PCCB: variants seen among roughly 807,000 people sequenced by gnomAD.
PCCB encodes propionyl-CoA carboxylase subunit beta.
Under a neutral mutation model 60.7 loss-of-function variants are expected in PCCB, and 43 were observed. The observed-to-expected ratio is 0.71, with a 90% CI of 0.55 to 0.91. The LOEUF is 0.91. Among genes scored for constraint, PCCB ranks in the 40% least tolerant of loss-of-function variants. The pLI, the probability that PCCB is intolerant of heterozygous loss-of-function variation, is 0.00. For missense variants in PCCB, 766 were observed against 702.8 expected, an observed-to-expected ratio of 1.09 and a Z score of -1.02; for synonymous variants, 276 against 255.9, an observed-to-expected ratio of 1.08 and a Z score of -0.75.
intron 9 of PCCB, among the ~76,000 whole-genome samples, chr3:136,308,275 C>G (rs1254807205): frequency 1.4e-5 from 2 of 147,912 alleles, no homozygotes; most frequent in Admixed American, 1.4e-4. Flanking sequence ...ACTCTGTAAC[C>G]CAGGCTGGAG....
At chr3:136,326,280 G>T in intron 10 of PCCB, 1 of 699,636 alleles carries the variant, frequency 1.4e-6, no homozygotes, top group South Asian at 1.5e-5. Flanking sequence ...CTTCTAGGAG[G>T]GGAGATTTAC....
chr3:136,268,098 A>ATGTATATATATATATATATATATG (rs1283713299), intron 5 of PCCB, among the ~76,000 whole-genome samples: 4 of 115,504 alleles, frequency 3.5e-5, no homozygotes, highest in Non-Finnish European at 5.1e-5. Context: ...ATATATATAT[A>ATGTATATATATATATATATATATG]TATATATATA....
chr3:136,290,597 T>C (rs1214663258), intron 6 of PCCB, among the ~76,000 whole-genome samples: 1 of 149,560 alleles, frequency 6.7e-6, no homozygotes, highest in African/African-American at 2.5e-5. Flanking sequence ...TGGGCTCACA[T>C]GGTCTTCCTG....
chr3:136,288,025 C>T (rs1281857427), intron 6 of PCCB, among the ~76,000 whole-genome samples: 1 of 152,236 alleles, frequency 6.6e-6, no homozygotes, highest in African/African-American at 2.4e-5. Context: ...CCAGCACTTA[C>T]ATTAACATAG....
chr3:136,307,889 C>T (rs533832130), intron 9 of PCCB, among the ~76,000 whole-genome samples: 5 of 152,040 alleles, frequency 3.3e-5, no homozygotes, highest in Middle Eastern at 3.4e-3. Context: ...GCAGGAGAAT[C>T]GCTTGAACCC....
chr3:136,280,943 C>A (rs749075368), intron 5 of PCCB, among the ~76,000 whole-genome samples: 7 of 152,330 alleles, frequency 4.6e-5, no homozygotes, highest in Middle Eastern at 3.4e-3. Context: ...TGTGAGCCAG[C>A]GCACCTGACT....
intron 8 of PCCB, among the ~76,000 whole-genome samples, chr3:136,300,065 A>T (rs1560019682): frequency 6.6e-6 from 1 of 151,322 alleles, no homozygotes; most frequent in African/African-American, 2.4e-5. Flanking sequence ...CATGCATATC[A>T]ACACATATAT....
chr3:136,288,569 T>A (rs1384953435), intron 6 of PCCB, among the ~76,000 whole-genome samples: 3 of 151,888 alleles, frequency 2.0e-5, no homozygotes, highest in African/African-American at 7.3e-5. Context: ...AGACTGGTCT[T>A]GAACTCCTGG....
rs1367533276 is a variant in PCCB at position 136,326,812 on chromosome 3, A to G, written c.1100A>G (p.Asp367Gly). 1.9e-6 allele frequency: 3 copies of G among 1,596,328 alleles called. No homozygotes were observed. The highest frequency in any genetic ancestry group is 2.6e-6 in the Non-Finnish European group (3 of 1,163,748). The change falls in exon 11 of 15, where the codon GAT (aspartate) becomes GGT (glycine). Residue 367 changes from aspartate to glycine, a missense_variant. Physicochemically the swap from Asp to Gly is moderately conservative, Grantham distance 94. Transcript: ENST00000251654. Reference sequence around the variant, plus strand: ...ATCTCTCTCTTTCTAGGATGCTTGGATATTAATTCATCTGTGAAAGGGGCT... The same window carrying G: ...ATCTCTCTCTTTCTAGGATGCTTGGGTATTAATTCATCTGTGAAAGGGGCT... ...NQPKVASGCL[D>G]INSSVKGARF...
chr3:136,260,977 T>C (rs778446187), intron 4 of PCCB, among the ~76,000 whole-genome samples: 10 of 152,208 alleles, frequency 6.6e-5, no homozygotes, highest in Non-Finnish European at 1.2e-4. Context: ...CACAGATATT[T>C]CTAATACTGA....
chr3:136,275,100 C>T (rs1393725292), intron 5 of PCCB, among the ~76,000 whole-genome samples: 1 of 152,192 alleles, frequency 6.6e-6, no homozygotes, highest in Non-Finnish European at 1.5e-5. Flanking sequence ...GCATGAGACA[C>T]TGACCCCAGC....
At chr3:136,301,811 A>G (rs1047971584) in intron 9 of PCCB, among the ~76,000 whole-genome samples, 1 of 152,124 alleles carries the variant, frequency 6.6e-6, no homozygotes, top group African/African-American at 2.4e-5. Flanking sequence ...TCCTGCACCA[A>G]GGATTAGCCT....
rs1553775733 is a variant in PCCB at position 136,268,092 on chromosome 3, A to ATATATATG, written c.543+6034_543+6035insGTATATAT. 2.3e-3 allele frequency among the ~76,000 whole-genome samples: 126 copies of ATATATATG among 54,444 alleles called. 4 individuals are homozygous for ATATATATG. The highest frequency in any genetic ancestry group is 0.015 in the East Asian group (52 of 3,400). The allele number at this position is 54,444 out of a possible 152,430, so 35.7% of individuals were successfully genotyped here. ...TGTGTGTGTGTGTGTGTGTAGATAT[A>ATATATATG]TATATATATATATATATATATATAT... On this transcript the variant is annotated intron_variant, in intron 5 of 14. Transcript: ENST00000251654.
At chr3:136,271,272 C>G (rs1165874133) in intron 5 of PCCB, among the ~76,000 whole-genome samples, 3 of 152,060 alleles carry the variant, frequency 2.0e-5, no homozygotes, top group Non-Finnish European at 2.9e-5. Context: ...TCTTGGAAGT[C>G]TGGTAATGTG....
Position 136,250,531 on chromosome 3 carries a change from A to T in PCCB, c.156A>T (p.Gln52His), listed in dbSNP as rs1941483942. ...KRRTALLGGGQRRIDAQHKRG... is the reference protein window; with the variant it reads ...KRRTALLGGGHRRIDAQHKRG... ...GGACCGCGCTGCTGGGAGGGGGCCA[A>T]CGCCGTATTGACGCGCAGCACAAGC... is the stretch of plus-strand genomic sequence containing the variant. Residue 52 changes from glutamine (Q) to histidine (H), a missense_variant, in exon 1 of 15, where the codon CAA (glutamine) becomes CAT (histidine). Gln to His is a conservative substitution (Grantham distance 24, BLOSUM62 0). Coordinates refer to ENST00000251654, the MANE Select transcript of PCCB (RefSeq NM_000532.5). 1.9e-6 allele frequency: 3 copies of T among 1,612,842 alleles called. No homozygotes were observed. The highest frequency in any genetic ancestry group is 1.7e-6 in the Non-Finnish European group (2 of 1,179,760).
intron 10 of PCCB, among the ~76,000 whole-genome samples, chr3:136,322,790 T>G (rs767099463): frequency 6.6e-6 from 1 of 152,242 alleles, no homozygotes. Context: ...TGGTTGGTAC[T>G]GAGGGCCTCA....
intron 8 of PCCB, among the ~76,000 whole-genome samples, chr3:136,298,468 T>G (rs1034940617): frequency 6.6e-6 from 1 of 152,220 alleles, no homozygotes; most frequent in African/African-American, 2.4e-5. Flanking sequence ...ATTCTTCTTA[T>G]GCTGACTATA....
intron 3 of PCCB, chr3:136,259,063 G>A (rs1321370999): frequency 6.1e-6 from 6 of 978,500 alleles, no homozygotes; most frequent in Non-Finnish European, 8.0e-6. Flanking sequence ...GGGGGTTTTA[G>A]GAGAGGTTAT....
chr3:136,310,702 A>G (rs1424080175), intron 9 of PCCB, among the ~76,000 whole-genome samples: 2 of 152,232 alleles, frequency 1.3e-5, no homozygotes, highest in East Asian at 1.9e-4. Flanking sequence ...TAAAGGTAGT[A>G]CTTAAGATTT....
Sources: gnomAD v4.1 joint callset for allele counts (sites outside exome capture counted in the v4.1 genomes callset) on GRCh38, gnomAD v4.1.1 for gene constraint, MANE v1.5 for transcripts, NCBI Gene and HGNC (gene_info 2026-07-23, HGNC 2026-07-21) for gene names.